The following RIMS2 variants were observed in gnomAD, a reference collection of about 807,000 sequenced individuals.
The protein encoded by RIMS2 is regulating synaptic membrane exocytosis protein 2.
Under a neutral mutation model 174.4 loss-of-function variants are expected in RIMS2, and 59 were observed. That is an observed-to-expected ratio of 0.34 (90% CI 0.27 to 0.42). The LOEUF (loss-of-function observed/expected upper bound fraction) is 0.42. Ranked by LOEUF, RIMS2 falls within the 10% of genes least tolerant of loss-of-function variation. The probability of loss-of-function intolerance (pLI) is 1.00; values close to 1 mark genes in which losing one functional copy is unlikely to be tolerated. For synonymous variants in RIMS2, 606 were observed against 572.5 expected, an observed-to-expected ratio of 1.06 and a Z score of -0.84; for missense variants, 1,620 against 1,666.3, an observed-to-expected ratio of 0.97 and a Z score of 0.48.
intron 19 of RIMS2, among the ~76,000 whole-genome samples, chr8:104,020,423 A>C (rs2096058453): frequency 6.6e-6 from 1 of 152,072 alleles, no homozygotes; most frequent in South Asian, 2.1e-4. Context: ...TGCTTTTTAA[A>C]ATAAGCATAA....
intron 1 of RIMS2, among the ~76,000 whole-genome samples, chr8:103,555,628 C>T (rs367764555): frequency 8.9e-4 from 135 of 151,980 alleles, no homozygotes; most frequent in African/African-American, 3.1e-3. Flanking sequence ...GGTTCATCAA[C>T]AGATGAATAA....
chr8:103,890,979 A>G (rs766722237), intron 4 of RIMS2, among the ~76,000 whole-genome samples: 1 of 151,880 alleles, frequency 6.6e-6, no homozygotes, highest in Non-Finnish European at 1.5e-5. Context: ...GCCTCTACCT[A>G]CTAGATGCCA....
At chr8:103,689,813 A>G (rs1184770762) in intron 1 of RIMS2, among the ~76,000 whole-genome samples, 2 of 152,196 alleles carry the variant, frequency 1.3e-5, no homozygotes, top group Non-Finnish European at 2.9e-5. Context: ...GATATCTTGA[A>G]TAGAAAGATT....
intron 15 of RIMS2, among the ~76,000 whole-genome samples, chr8:103,966,874 T>C (rs149785113): frequency 1.2e-4 from 19 of 152,134 alleles, no homozygotes; most frequent in Non-Finnish European, 1.5e-5. Context: ...TTGACCCATG[T>C]GTTATTTAGA....
At chr8:103,622,271 C>T (rs564220096) in intron 1 of RIMS2, among the ~76,000 whole-genome samples, 7 of 151,988 alleles carry the variant, frequency 4.6e-5, no homozygotes, top group East Asian at 1.9e-4. Flanking sequence ...ATGACACATA[C>T]ATTATATTCT....
chr8:103,744,109 G>T (rs2097785367), intron 2 of RIMS2, among the ~76,000 whole-genome samples: 1 of 152,116 alleles, frequency 6.6e-6, no homozygotes, highest in African/African-American at 2.4e-5. Context: ...GCAGTGGCAG[G>T]ATCTCAGCTA....
At chr8:103,928,953 C>T (rs1035502395) in intron 11 of RIMS2, among the ~76,000 whole-genome samples, 1 of 151,272 alleles carries the variant, frequency 6.6e-6, no homozygotes, top group Non-Finnish European at 1.5e-5. Context: ...AGTGATGTAC[C>T]TAATAAAATC....
chr8:103,773,892 A>G (rs1446569921), intron 3 of RIMS2, among the ~76,000 whole-genome samples: 1 of 151,778 alleles, frequency 6.6e-6, no homozygotes, highest in East Asian at 1.9e-4. Flanking sequence ...TTAAAATTGT[A>G]TAAACGTGGG....
intron 19 of RIMS2, among the ~76,000 whole-genome samples, chr8:104,233,098 A>T (rs1432788200): frequency 1.3e-5 from 2 of 152,202 alleles, no homozygotes; most frequent in African/African-American, 4.8e-5. Context: ...GGAAATCTAT[A>T]GAAGAAATCT....
At chr8:104,031,146 T>C (rs2096383524) in intron 19 of RIMS2, among the ~76,000 whole-genome samples, 1 of 152,124 alleles carries the variant, frequency 6.6e-6, no homozygotes, top group Non-Finnish European at 1.5e-5. Context: ...CAAAATAATA[T>C]CTCATAGCAT....
chr8:103,574,092 C>A (rs1431113027), intron 1 of RIMS2, among the ~76,000 whole-genome samples: 1 of 148,710 alleles, frequency 6.7e-6, no homozygotes, highest in African/African-American at 2.5e-5. Flanking sequence ...TTTTTCCTAT[C>A]TAAAAGTGTT....
chr8:103,843,599 A>C (rs2098952744), intron 3 of RIMS2, among the ~76,000 whole-genome samples: 1 of 152,112 alleles, frequency 6.6e-6, no homozygotes, highest in Non-Finnish European at 1.5e-5. Flanking sequence ...GTTTTCTTCA[A>C]AGTTTTGTAG....
intron 3 of RIMS2, among the ~76,000 whole-genome samples, chr8:103,779,646 T>G (rs1400801083): frequency 1.3e-5 from 2 of 150,408 alleles, no homozygotes. Flanking sequence ...AGCAAACTAT[T>G]GCAAAGACAG....
At chr8:104,126,350 A>G (rs2098429687) in intron 19 of RIMS2, among the ~76,000 whole-genome samples, 1 of 152,190 alleles carries the variant, frequency 6.6e-6, no homozygotes, top group Non-Finnish European at 1.5e-5. Flanking sequence ...ACTTGGGGAT[A>G]TCAAAACTTT....
At chr8:103,583,019 G>A (rs1041622256) in intron 1 of RIMS2, among the ~76,000 whole-genome samples, 25 of 152,276 alleles carry the variant, frequency 1.6e-4, no homozygotes, top group East Asian at 1.2e-3. Context: ...CTGACCCAGC[G>A]CAGTCATAGT....
chr8:104,250,500 A>G (rs1230669657), intron 22 of RIMS2, among the ~76,000 whole-genome samples: 2 of 152,202 alleles, frequency 1.3e-5, no homozygotes, highest in Non-Finnish European at 2.9e-5. Context: ...AATGGTTTTT[A>G]TGAAGTGTCT....
At chr8:103,736,312 A>G (rs564930970) in intron 2 of RIMS2, among the ~76,000 whole-genome samples, 6 of 152,308 alleles carry the variant, frequency 3.9e-5, no homozygotes, top group Admixed American at 1.3e-4. Flanking sequence ...GTATAATAGA[A>G]GTTTTTGACA....
At chr8:103,693,201 T>C (rs2097054187) in intron 1 of RIMS2, among the ~76,000 whole-genome samples, 1 of 152,090 alleles carries the variant, frequency 6.6e-6, no homozygotes, top group South Asian at 2.1e-4. Flanking sequence ...ATTACTAAAC[T>C]CTCCCTTCCA....
intron 19 of RIMS2, among the ~76,000 whole-genome samples, chr8:104,233,721 A>T (rs2099243689): frequency 6.6e-6 from 1 of 152,010 alleles, no homozygotes. Flanking sequence ...GTAAGCTAGT[A>T]TTTTTTTTCT....
Sources: allele counts gnomAD v4.1 joint callset (sites outside exome capture counted in the v4.1 genomes callset), GRCh38; gene constraint gnomAD v4.1.1; transcripts MANE v1.5; gene names NCBI Gene and HGNC (gene_info 2026-07-23, HGNC 2026-07-21).